The following AGBL1 variants were observed in gnomAD, a reference collection of about 807,000 sequenced individuals.
AGBL1 encodes the protein AGBL carboxypeptidase 1.
In AGBL1, 130 loss-of-function variants were observed where a neutral mutation model predicts 118.9. The observed-to-expected ratio is 1.09, with a 90% CI of 0.95 to 1.26. AGBL1 has a LOEUF of 1.26. Ranked by LOEUF, AGBL1 falls within the 50% of genes most tolerant of loss-of-function variation. The probability of loss-of-function intolerance (pLI) is 0.00; values close to 1 mark genes in which losing one functional copy is unlikely to be tolerated. For synonymous variants in AGBL1, 555 were observed against 478.9 expected, an observed-to-expected ratio of 1.16 and a Z score of -2.08; for missense variants, 1,584 against 1,298.1, an observed-to-expected ratio of 1.22 and a Z score of -3.38.
At chr15:86,180,218 A>AGAAG (rs746355389) in intron 5 of AGBL1, among the ~76,000 whole-genome samples, 2 of 152,132 alleles carry the variant, frequency 1.3e-5, no homozygotes, top group Non-Finnish European at 2.9e-5. Context: ...TCATATGGAA[A>AGAAG]GACCAAGGAC....
chr15:86,749,770 T>C lies in AGBL1; in HGVS notation c.3158+75334T>C, dbSNP rs568364339. On this transcript the variant is annotated intron_variant, in intron 22 of 22. Transcript: ENST00000614907. Reference sequence around the variant, plus strand: ...TTTTCTGCATCTGTTGAGATAATCATGTGGTTTTTGTCTTTGGTTCTGTTT... The same window carrying C: ...TTTTCTGCATCTGTTGAGATAATCACGTGGTTTTTGTCTTTGGTTCTGTTT... 2.8e-4 allele frequency among the ~76,000 whole-genome samples: 42 copies of C among 152,336 alleles called. No homozygotes were observed. The East Asian group carries it at 6.0e-3, about 22-fold the overall frequency.
intron 22 of AGBL1, among the ~76,000 whole-genome samples, chr15:86,863,152 G>A (rs914058902): frequency 2.0e-5 from 3 of 152,192 alleles, no homozygotes; most frequent in African/African-American, 7.2e-5. Context: ...GGATATATGG[G>A]TGCTGCATGG....
chr15:86,126,595 A>G (rs569648011), intron 1 of AGBL1, among the ~76,000 whole-genome samples: 43 of 152,376 alleles, frequency 2.8e-4, no homozygotes, highest in South Asian at 1.7e-3. Flanking sequence ...GACATTATCC[A>G]TATACTCTTA....
At chr15:86,110,467 T>A (rs1897307869) in intron 1 of AGBL1, among the ~76,000 whole-genome samples, 1 of 152,184 alleles carries the variant, frequency 6.6e-6, no homozygotes. Flanking sequence ...GAGTGGATCA[T>A]CTTAAGGGTC....
chr15:86,349,436 T>C (rs2080590767), intron 17 of AGBL1, among the ~76,000 whole-genome samples: 1 of 152,224 alleles, frequency 6.6e-6, no homozygotes. Flanking sequence ...TTATGTATGC[T>C]TTGAGGTGTT....
chr15:86,987,850 G>T, intron 23 of AGBL1: 1 of 825,986 alleles, frequency 1.2e-6, no homozygotes, highest in East Asian at 3.1e-5. Flanking sequence ...TTATGTTGCT[G>T]GTATCTTACT....
At chr15:86,344,843 A>G (rs1473046016) in intron 17 of AGBL1, among the ~76,000 whole-genome samples, 4 of 152,094 alleles carry the variant, frequency 2.6e-5, no homozygotes, top group Non-Finnish European at 5.9e-5. Flanking sequence ...GTTGTCAGAA[A>G]TGATAATAAT....
At chr15:86,880,493 GA>G (rs1384190354) in intron 22 of AGBL1, among the ~76,000 whole-genome samples, 1 of 152,194 alleles carries the variant, frequency 6.6e-6, no homozygotes, top group Non-Finnish European at 1.5e-5. Flanking sequence ...AACGTTCTTT[GA>G]GTCTCAATAG....
intron 23 of AGBL1, among the ~76,000 whole-genome samples, chr15:86,970,847 G>A (rs1408323268): frequency 1.3e-5 from 2 of 151,846 alleles, no homozygotes; most frequent in Non-Finnish European, 2.9e-5. Flanking sequence ...CAGATTCAAC[G>A]AACTGAGGTT....
intron 24 of AGBL1, among the ~76,000 whole-genome samples, chr15:86,997,001 T>C (rs922842731): frequency 1.2e-4 from 18 of 152,174 alleles, no homozygotes; most frequent in African/African-American, 4.1e-4. Flanking sequence ...TAACCATCTT[T>C]ATAAAGCTGC....
At chr15:86,878,709 G>A (rs1375319771) in intron 22 of AGBL1, among the ~76,000 whole-genome samples, 8 of 151,358 alleles carry the variant, frequency 5.3e-5, no homozygotes, top group Non-Finnish European at 1.2e-4. Context: ...AGAGTTTGTA[G>A]TTTTCTGCAA....
intron 19 of AGBL1, among the ~76,000 whole-genome samples, chr15:86,534,780 A>T (rs1045551749): frequency 6.6e-6 from 1 of 152,232 alleles, no homozygotes; most frequent in African/African-American, 2.4e-5. Flanking sequence ...AAGAAGCTAG[A>T]CACTAAAGAC....
At chr15:86,141,869 C>T (rs2076967794) in intron 1 of AGBL1, 135 bp from the exon 2 acceptor site, 1 of 857,274 alleles carries the variant, frequency 1.2e-6, no homozygotes, top group Non-Finnish European at 1.8e-6. Context: ...AAGTGAATCC[C>T]CTTGCCTGTC....
chr15:86,462,115 A>G (rs1200515462), intron 18 of AGBL1, among the ~76,000 whole-genome samples: 1 of 152,198 alleles, frequency 6.6e-6, no homozygotes, highest in African/African-American at 2.4e-5. Context: ...GCAGAATCCT[A>G]TAGGAGTTGA....
intron 22 of AGBL1, among the ~76,000 whole-genome samples, chr15:86,763,765 T>C (rs1224163407): frequency 2.0e-5 from 3 of 152,072 alleles, no homozygotes; most frequent in Admixed American, 2.0e-4. Context: ...TTTCTTTAGC[T>C]GTGAAACCAG....
intron 22 of AGBL1, among the ~76,000 whole-genome samples, chr15:86,677,288 A>T (rs894605788): frequency 1.3e-5 from 2 of 152,200 alleles, no homozygotes; most frequent in African/African-American, 2.4e-5. Context: ...GCTGAAAATG[A>T]AGTACATGCA....
chr15:86,238,293 G>T (rs957356167), intron 6 of AGBL1, among the ~76,000 whole-genome samples: 3 of 152,178 alleles, frequency 2.0e-5, no homozygotes, highest in Non-Finnish European at 4.4e-5. Context: ...CTGCATCTCT[G>T]TTGTCAATAA....
chr15:86,829,349 G>A (rs1179141668), intron 22 of AGBL1, among the ~76,000 whole-genome samples: 1 of 152,144 alleles, frequency 6.6e-6, no homozygotes, highest in African/African-American at 2.4e-5. Flanking sequence ...ATAAAGAGAA[G>A]CCTCTGCAAC....
intron 5 of AGBL1, among the ~76,000 whole-genome samples, chr15:86,198,843 C>A (rs2077858631): frequency 6.6e-6 from 1 of 152,132 alleles, no homozygotes; most frequent in Admixed American, 6.5e-5. Flanking sequence ...AAATAAATTT[C>A]TATTGCTTAA....
Sources: gnomAD v4.1 joint callset for allele counts (sites outside exome capture counted in the v4.1 genomes callset) on GRCh38, gnomAD v4.1.1 for gene constraint, MANE v1.5 for transcripts, NCBI Gene and HGNC (gene_info 2026-07-23, HGNC 2026-07-21) for gene names.